The following FER variants were observed in gnomAD, a reference collection of about 807,000 sequenced individuals.
FER encodes FER tyrosine kinase.
A neutral mutation model predicts 111.0 loss-of-function variants in FER; 63 were observed. The observed-to-expected ratio is 0.57, with a 90% CI of 0.46 to 0.70. The LOEUF (loss-of-function observed/expected upper bound fraction) is 0.70, where lower values mean the gene tolerates loss of function less well. Ranked by LOEUF, FER falls within the 30% of genes least tolerant of loss-of-function variation. The pLI is 0.00. For missense variants in FER, 914 were observed against 954.0 expected (o/e 0.96, Z 0.55); for synonymous variants, 327 against 313.9 (o/e 1.04, Z -0.44).
chr5:108,847,973 G>A (rs114311829), intron 5 of FER, among the ~76,000 whole-genome samples: 1 of 151,798 alleles, frequency 6.6e-6, no homozygotes, highest in African/African-American at 2.4e-5. Flanking sequence ...CTGCAGCCTC[G>A]AACTCCTGGG....
chr5:108,782,511 T>G (rs1050600530), intron 2 of FER, among the ~76,000 whole-genome samples: 5 of 152,200 alleles, frequency 3.3e-5, no homozygotes, highest in African/African-American at 1.2e-4. Context: ...GGATTGTGGT[T>G]TTGGTATCAA....
intron 10 of FER, among the ~76,000 whole-genome samples, chr5:108,912,026 A>T (rs1201867155): frequency 6.6e-6 from 1 of 152,104 alleles, no homozygotes; most frequent in Non-Finnish European, 1.5e-5. Flanking sequence ...TGATGGTTTT[A>T]TAAGGGGTTT....
At chr5:109,116,731 G>A (rs1750301076) in intron 17 of FER, among the ~76,000 whole-genome samples, 1 of 152,058 alleles carries the variant, frequency 6.6e-6, no homozygotes, top group Non-Finnish European at 1.5e-5. Context: ...CATTTGCATT[G>A]CATTTTGCCT....
intron 17 of FER, among the ~76,000 whole-genome samples, chr5:109,120,434 T>C (rs2126489551): frequency 6.6e-6 from 1 of 152,248 alleles, no homozygotes; most frequent in South Asian, 2.1e-4. Context: ...TTCTATGTTC[T>C]CTATTTTGTT....
chr5:108,780,592 T>C (rs1753955576), intron 2 of FER, among the ~76,000 whole-genome samples: 1 of 152,012 alleles, frequency 6.6e-6, no homozygotes, highest in African/African-American at 2.4e-5. Flanking sequence ...TAGGTGTAGT[T>C]TTTTGTTGTT....
intron 1 of FER, 65 bp from the exon 2 acceptor site, chr5:108,768,026 GAA>G (rs1438168116): frequency 1.3e-5 from 2 of 152,172 alleles, no homozygotes; most frequent in Non-Finnish European, 2.9e-5. Context: ...CAAGTATACT[GAA>G]AGTGTACATT....
chr5:109,090,288 A>G (rs1778022737), intron 16 of FER, among the ~76,000 whole-genome samples: 1 of 152,210 alleles, frequency 6.6e-6, no homozygotes, highest in Admixed American at 6.5e-5. Flanking sequence ...CACAATCTCA[A>G]GTCACATCCC....
intron 10 of FER, among the ~76,000 whole-genome samples, chr5:108,935,262 AT>A (rs1755293528): frequency 6.6e-6 from 1 of 152,202 alleles, no homozygotes; most frequent in Non-Finnish European, 1.5e-5. Flanking sequence ...CTGAATGAGA[AT>A]TGTTCCCTGC....
rs1050804192 is a variant in FER, at chr5:108,832,559, G to T, written c.208-211G>T. 1.3e-5 allele frequency among the ~76,000 whole-genome samples: 2 copies of T among 152,164 alleles called. 1 individual carries two copies. Among genetic ancestry groups the T allele is most frequent in the South Asian group, 4.1e-4 (2 of 4,824 alleles). ...TTTTTCTTAGTTTTCTGTGTTGTCT[G>T]TGATTATAGAATTTTGAAGCATGTG... On this transcript the variant is annotated intron_variant, in intron 3 of 19. Transcript: ENST00000281092.
At chr5:108,798,030 T>C (rs1756233265) in intron 2 of FER, 94 bp from the exon 3 acceptor site, 2 of 523,234 alleles carry the variant, frequency 3.8e-6, no homozygotes, top group African/African-American at 2.0e-5. Context: ...TTTTTTTTTT[T>C]TAACCCCAAA....
chr5:109,067,453 T>C (rs1421426690), intron 16 of FER, among the ~76,000 whole-genome samples: 4 of 152,186 alleles, frequency 2.6e-5, no homozygotes, highest in African/African-American at 9.7e-5. Context: ...CAGAGCTTTT[T>C]TATGCAAATG....
chr5:108,924,673 A>G, intron 10 of FER: 1 of 1,232,020 alleles, frequency 8.1e-7, no homozygotes, highest in Non-Finnish European at 1.0e-6. Context: ...GGAGCAGAAA[A>G]TGAAATGTCC....
intron 10 of FER, among the ~76,000 whole-genome samples, chr5:108,931,346 TA>T (rs1754647853): frequency 1.3e-5 from 2 of 152,018 alleles, no homozygotes; most frequent in Admixed American, 6.6e-5. Context: ...TATTTTACAA[TA>T]AAAAAAATTT....
intron 17 of FER, among the ~76,000 whole-genome samples, chr5:109,132,458 G>A (rs1200870143): frequency 6.6e-6 from 1 of 152,086 alleles, no homozygotes; most frequent in Non-Finnish European, 1.5e-5. Flanking sequence ...GTGAAATTTA[G>A]ACTTAGAACT....
At chr5:109,023,433 AAGTTGAACT>A (rs1768212687) in intron 13 of FER, among the ~76,000 whole-genome samples, 1 of 152,134 alleles carries the variant, frequency 6.6e-6, no homozygotes, top group Non-Finnish European at 1.5e-5. Context: ...GGATACGTCC[AAGTTGAACT>A]CAGGGGAACA....
chr5:108,792,202 T>C (rs1295341306), intron 2 of FER, among the ~76,000 whole-genome samples: 2 of 152,250 alleles, frequency 1.3e-5, no homozygotes, highest in African/African-American at 2.4e-5. Context: ...GGATAGCTTG[T>C]CAAGTTCTAT....
chr5:109,045,689 T>C (rs754672152), intron 15 of FER, among the ~76,000 whole-genome samples: 6 of 152,210 alleles, frequency 3.9e-5, no homozygotes, highest in East Asian at 1.9e-4. Context: ...AGCAATAGTT[T>C]TATTAGAAAA....
rs927317344 is a variant in FER at position 108,910,515 on chromosome 5, T to C, written c.1236+12667T>C. On this transcript the variant is annotated intron_variant, in intron 10 of 19. Coordinates refer to ENST00000281092, the MANE Select transcript of FER (RefSeq NM_005246.4). ...AATTCCATTTTAGATTCAGTAGGTA[T>C]ATGTGCAGGTTTGTTACATGAATAT... is the stretch of plus-strand genomic sequence containing the variant. 2.6e-5 allele frequency among the ~76,000 whole-genome samples: 4 copies of C among 152,208 alleles called. No homozygotes were observed. In the South Asian group the frequency reaches 6.2e-4, roughly 24 times the overall value.
intron 8 of FER, among the ~76,000 whole-genome samples, chr5:108,874,612 T>C (rs1259826122): frequency 6.6e-6 from 1 of 151,902 alleles, no homozygotes. Context: ...GAAAAATCTT[T>C]CTTCCTTTTT....
Sources: gnomAD v4.1 joint callset for allele counts (sites outside exome capture counted in the v4.1 genomes callset) on GRCh38, gnomAD v4.1.1 for gene constraint, MANE v1.5 for transcripts, NCBI Gene and HGNC (gene_info 2026-07-23, HGNC 2026-07-21) for gene names.